Variants in KIF14 observed in about 807,000 individuals in gnomAD.
KIF14 encodes kinesin family member 14, also known as kinesin-like protein KIF14.
In KIF14, 98 loss-of-function variants were observed where a neutral mutation model predicts 176.2. That is an observed-to-expected ratio of 0.56 (90% CI 0.47 to 0.66). The LOEUF is 0.66. Among genes scored for constraint, KIF14 ranks in the 30% least tolerant of loss-of-function variants. The pLI is 0.00. For synonymous variants in KIF14, 566 were observed against 632.2 expected, an observed-to-expected ratio of 0.90 and a Z score of 1.57; for missense variants, 1,751 against 1,920.4, an observed-to-expected ratio of 0.91 and a Z score of 1.65.
intron 24 of KIF14, 72 bp downstream of exon 24, chr1:200,565,372 TC>T (rs1657389860): frequency 7.0e-7 from 1 of 1,425,172 alleles, no homozygotes; most frequent in Admixed American, 2.2e-5. Flanking sequence ...TGCCAAATAA[TC>T]ACTCAAAACA....
At chr1:200,581,761 C>CTTTT (rs66935478) in intron 19 of KIF14, among the ~76,000 whole-genome samples, 62 of 83,024 alleles carry the variant, frequency 7.5e-4, no homozygotes, top group East Asian at 1.2e-3. Flanking sequence ...TTTCACTTTC[C>CTTTT]TTTTTTTTTT....
chr1:200,582,917 A>G (rs1658540945), intron 19 of KIF14, among the ~76,000 whole-genome samples: 1 of 152,196 alleles, frequency 6.6e-6, no homozygotes, highest in East Asian at 1.9e-4. Flanking sequence ...AGTTACAGAA[A>G]GTACACAACA....
intron 19 of KIF14, among the ~76,000 whole-genome samples, chr1:200,584,053 C>A (rs777163967): frequency 1.3e-5 from 2 of 151,760 alleles, no homozygotes; most frequent in Non-Finnish European, 2.9e-5. Flanking sequence ...ACCATCCTGG[C>A]CAACATGGTG....
At chr1:200,599,780 T>C (rs1659535819) in intron 13 of KIF14, among the ~76,000 whole-genome samples, 1 of 152,232 alleles carries the variant, frequency 6.6e-6, no homozygotes, top group Non-Finnish European at 1.5e-5. Context: ...AGCATAGACA[T>C]TTAATATATA....
intron 1 of KIF14, among the ~76,000 whole-genome samples, chr1:200,619,537 G>A (rs1489560751): frequency 6.6e-6 from 1 of 152,214 alleles, no homozygotes; most frequent in East Asian, 1.9e-4. Context: ...ATTTTTAGTA[G>A]AGACGGGGTT....
At position 200,573,427 on chromosome 1, in the gene KIF14, C is replaced by CTTTTTTTTTTTTTT. The variant is rs869174532; in HGVS notation, c.3566+2150_3566+2163dup. On this transcript the variant is annotated intron_variant, in intron 22 of 29. Coordinates refer to ENST00000367350, the MANE Select transcript of KIF14 (RefSeq NM_014875.3). ...TTCCCTACACTCAAGGAGCTCATTT[C>CTTTTTTTTTTTTTT]TTTTTTTTTTTTTTTTTTTTTTTTG... is the stretch of plus-strand genomic sequence containing the variant. 6.0e-4 allele frequency among the ~76,000 whole-genome samples: 47 copies of CTTTTTTTTTTTTTT among 77,748 alleles called. 1 individual carries two copies. The highest frequency in any genetic ancestry group is 8.5e-4 in the African/African-American group (15 of 17,558). The allele number at this position is 77,748 out of a possible 152,430, so 51.0% of individuals were successfully genotyped here. A position where few individuals can be genotyped will look rare whatever the true frequency, so the allele number is the denominator to read the frequency against.
At chr1:200,611,035 G>A (rs115933040) in intron 4 of KIF14, among the ~76,000 whole-genome samples, 1,832 of 152,290 alleles carry the variant, frequency 0.012, 46 homozygotes, top group African/African-American at 0.041. Flanking sequence ...GCAATCATTA[G>A]ATTAAGTGGG....
chr1:200,584,214 T>C (rs1478585514), intron 19 of KIF14, among the ~76,000 whole-genome samples: 1 of 13,268 alleles, frequency 7.5e-5, no homozygotes, highest in Non-Finnish European at 1.7e-4. Context: ...AGACTCTGTT[T>C]CAAAAAAAAA....
At chr1:200,567,128 G>A (rs1261942838) in intron 23 of KIF14, among the ~76,000 whole-genome samples, 3 of 150,636 alleles carry the variant, frequency 2.0e-5, no homozygotes, top group Non-Finnish European at 2.9e-5. Context: ...CCGAGATCGC[G>A]CCATTGCACT....
At position 200,617,879 on chromosome 1, in the gene KIF14, G is replaced by T. The variant is rs1356458679; in HGVS notation, c.845C>A (p.Thr282Lys). 6.2e-7 allele frequency: 1 copy of T among 1,614,126 alleles called. No homozygotes were observed. Reference sequence around the variant, plus strand: ...CTTTGTTGTCAGTTTGTGTTCTGTTGTACATTTTGTAGGTGTTCTTTTTTC... The same window carrying T: ...CTTTGTTGTCAGTTTGTGTTCTGTTTTACATTTTGTAGGTGTTCTTTTTTC... ...SLEKRTPTKC[T>K]TEHKLTTKCS... The change falls in exon 2 of 30, where the codon ACA becomes AAA. Residue 282 changes from threonine to lysine, a missense_variant. Coordinates refer to ENST00000367350, the MANE Select transcript of KIF14 (RefSeq NM_014875.3).
chr1:200,586,588 A>G (rs1029629759), intron 18 of KIF14, among the ~76,000 whole-genome samples: 3 of 151,520 alleles, frequency 2.0e-5, no homozygotes, highest in African/African-American at 7.3e-5. Context: ...TTGATGACAT[A>G]AATTAATCTT....
intron 22 of KIF14, among the ~76,000 whole-genome samples, chr1:200,570,670 T>C (rs758393966): frequency 2.0e-5 from 3 of 152,240 alleles, no homozygotes; most frequent in Non-Finnish European, 2.9e-5. Flanking sequence ...CAATAAAGCT[T>C]AGATTTTATC....
At chr1:200,563,589 T>G (rs779115420) in intron 25 of KIF14, among the ~76,000 whole-genome samples, 1 of 152,120 alleles carries the variant, frequency 6.6e-6, no homozygotes, top group Non-Finnish European at 1.5e-5. Flanking sequence ...ATATTTGTTA[T>G]TATTCACTAT....
rs377725495 is a variant in KIF14 at position 200,580,348 on chromosome 1, G to A, written c.3371C>T (p.Ser1124Phe). The change falls in exon 21 of 30, where the codon TCT becomes TTT. Residue 1124 changes from serine to phenylalanine, a missense_variant. By Grantham distance (155) the Ser-to-Phe change is radical. Transcript: ENST00000367350. ...DISDKSSSDT[S>F]IRVRNLKLGI... ...TAGTTTCAGGTTACGAACCCGAATA[G>A]AAGTGTCAGAACTACTTTTATCTGA... 6.7e-5 allele frequency: 102 copies of A among 1,521,828 alleles called. No individual in the cohort carries two copies. The highest frequency in any genetic ancestry group is 7.9e-5 in the Non-Finnish European group (89 of 1,129,292). 94.3% of individuals were successfully genotyped at this position (1,521,828 alleles called of 1,614,324 possible).
rs67447333 is a variant in KIF14 at position 200,614,790 on chromosome 1, CAAAAAAAAAAAAA to C, written c.1368-398_1368-386del. On this transcript the variant is annotated intron_variant, in intron 3 of 29. Transcript: ENST00000367350. The stretch of plus-strand genomic sequence containing the variant: ...TCGCTCTTCACAACAAACCTTGCTA[CAAAAAAAAAAAAA>C]AAAAAAAAAAAAAAAGAACTCAAAT... Among the ~76,000 whole-genome samples, 8 of 74,862 alleles carry C rather than the reference CAAAAAAAAAAAAA, an allele frequency of 1.1e-4. 1 individual carries two copies. Among genetic ancestry groups the C allele is most frequent in the Admixed American group, 7.9e-4 (4 of 5,072 alleles). 49.1% of individuals were successfully genotyped at this position (74,862 alleles called of 152,430 possible).
intron 14 of KIF14, among the ~76,000 whole-genome samples, chr1:200,596,561 C>CTTTTTTT (rs60386347): frequency 9.7e-5 from 10 of 102,702 alleles, no homozygotes; most frequent in South Asian, 3.6e-4. Context: ...GTACAACAGT[C>CTTTTTTT]TTTTTTTTTT....
chr1:200,561,814 A>G (rs917460061), intron 25 of KIF14, among the ~76,000 whole-genome samples: 3 of 150,942 alleles, frequency 2.0e-5, no homozygotes, highest in Non-Finnish European at 4.4e-5. Context: ...AAAGAAAAAG[A>G]AGGGTGGCTC....
intron 21 of KIF14, among the ~76,000 whole-genome samples, chr1:200,577,068 G>C (rs147098595): frequency 6.6e-6 from 1 of 151,204 alleles, no homozygotes; most frequent in East Asian, 1.9e-4. Flanking sequence ...TCAGCATTTT[G>C]AGAGGCTGAG....
At chr1:200,617,472 A>T (rs1660457811) in intron 2 of KIF14, 140 bp downstream of exon 2, 1 of 733,244 alleles carries the variant, frequency 1.4e-6, no homozygotes, top group Non-Finnish European at 2.2e-6. Context: ...CTACAACTAG[A>T]CCTAAAAGTT....
Sources: gnomAD v4.1 joint callset for allele counts (sites outside exome capture counted in the v4.1 genomes callset) on GRCh38, gnomAD v4.1.1 for gene constraint, MANE v1.5 for transcripts, NCBI Gene and HGNC (gene_info 2026-07-23, HGNC 2026-07-21) for gene names.